Variants in SLC35D1 observed in about 807,000 individuals in gnomAD.
The protein encoded by SLC35D1 is nucleotide sugar transporter SLC35D1.
A neutral mutation model predicts 46.7 loss-of-function variants in SLC35D1; 31 were observed. The ratio of observed to expected loss-of-function variants is 0.66; its 90% CI spans 0.50 to 0.90. SLC35D1 has a LOEUF of 0.90. Among genes scored for constraint, SLC35D1 ranks in the 40% least tolerant of loss-of-function variants. The probability of loss-of-function intolerance (pLI) is 0.00; values close to 1 mark genes in which losing one functional copy is unlikely to be tolerated. For missense variants in SLC35D1, 397 were observed against 426.2 expected, an observed-to-expected ratio of 0.93 and a Z score of 0.60; for synonymous variants, 195 against 164.6, an observed-to-expected ratio of 1.18 and a Z score of -1.41.
At chr1:66,979,547 C>T in the SLC35D1 span, among the ~76,000 whole-genome samples, 3 of 152,078 alleles carry the variant, frequency 2.0e-5, no homozygotes, top group Non-Finnish European at 4.4e-5. Flanking sequence ...ATAATTTTTC[C>T]AAAAACTAAA....
the SLC35D1 span, chr1:66,984,833 C>T: frequency 1.9e-6 from 3 of 1,610,006 alleles, no homozygotes; most frequent in Admixed American, 3.4e-5. Context: ...AGTCCAGGTT[C>T]TTCTGAATTT....
the SLC35D1 span, among the ~76,000 whole-genome samples, chr1:66,977,377 T>G: frequency 6.6e-6 from 1 of 152,162 alleles, no homozygotes; most frequent in African/African-American, 2.4e-5. Context: ...CCTAAAGTGC[T>G]GGGATTACAG....
chr1:66,984,616 G>A, the SLC35D1 span: 4 of 1,609,862 alleles, frequency 2.5e-6, no homozygotes, highest in African/African-American at 5.4e-5. Flanking sequence ...CAAAGAGGAA[G>A]TAAAAGTTGA....
intron 10 of SLC35D1, 21 bp downstream of exon 10, chr1:67,020,348 T>C: frequency 6.7e-7 from 1 of 1,485,862 alleles, no homozygotes; most frequent in Non-Finnish European, 9.4e-7. Flanking sequence ...TACCAAAAGC[T>C]AACAGTATTT....
chr1:67,038,798 G>C (rs1216466867), intron 8 of SLC35D1, among the ~76,000 whole-genome samples: 1 of 151,578 alleles, frequency 6.6e-6, no homozygotes, highest in Non-Finnish European at 1.5e-5. Context: ...GGTAAACCCA[G>C]AACTTTGAGA....
At chr1:66,984,216 CTTAG>C in the SLC35D1 span, among the ~76,000 whole-genome samples, 272 of 152,312 alleles carry the variant, frequency 1.8e-3, 1 homozygote, top group African/African-American at 6.3e-3. Flanking sequence ...ATTAATTCAG[CTTAG>C]TTAGACTGCT....
At chr1:66,977,265 A>G in the SLC35D1 span, among the ~76,000 whole-genome samples, 3 of 152,062 alleles carry the variant, frequency 2.0e-5, no homozygotes, top group Admixed American at 1.3e-4. Context: ...GCCTGCCATG[A>G]CGCCTGGCTA....
At position 67,052,940 on chromosome 1, in the gene SLC35D1, G is replaced by A. The variant is rs779329929; in HGVS notation, c.237+16C>T. The A allele has an allele frequency of 6.2e-7, 1 of 1,614,118 alleles. No homozygotes were observed. The highest frequency in any genetic ancestry group is 8.5e-7 in the Non-Finnish European group (1 of 1,180,018). ...CTAACAACATAAACCACGTAATGGT[G>A]AGGATTCCAACTAACCTGGCCAAGT... On this transcript the variant is annotated intron_variant, in intron 2 of 11. Coordinates refer to ENST00000235345, the MANE Select transcript of SLC35D1 (RefSeq NM_015139.3).
Position 67,042,276 on chromosome 1 carries a change from G to C in SLC35D1, c.689C>G (p.Pro230Arg), listed in dbSNP as rs1645197192. ...LYYNALFMIL[P>R]TLAIAYFTGD... The stretch of plus-strand genomic sequence containing the variant: ...TGTGAAATACGCAATGGCCAGGGTG[G>C]GCAGAATCATGAACAGTGCATTGTA... Residue 230 changes from proline to arginine, a missense_variant, in exon 8 of 12, where the codon CCC (proline) becomes CGC (arginine). Physicochemically the swap from Pro to Arg is moderately radical, Grantham distance 103. Coordinates refer to ENST00000235345, the MANE Select transcript of SLC35D1 (RefSeq NM_015139.3). 6.2e-7 allele frequency: 1 copy of C among 1,613,984 alleles called. No individual in the cohort carries two copies. Among genetic ancestry groups the C allele is most frequent in the Admixed American group, 1.7e-5 (1 of 59,994 alleles).
chr1:67,009,124 T>C lies in SLC35D1; in HGVS notation c.920A>G (p.Tyr307Cys), dbSNP rs1243625900. The C allele has an allele frequency of 1.3e-6, 2 of 1,514,070 alleles. No homozygotes were observed. The highest frequency in any genetic ancestry group is 2.3e-5 in the South Asian group (2 of 87,820). The allele number at this position is 1,514,070 out of a possible 1,614,324, so 93.8% of individuals were successfully genotyped here. ...AATGAAGTTTGTCCACGTGAAAATA[T>C]AATCTCCACCAAAGACCATTCCAAT... Reference protein sequence around the residue: ...TYIGMVFGGDYIFTWTNFIGL... With the variant: ...TYIGMVFGGDCIFTWTNFIGL... The change falls in exon 11 of 12, where the codon TAT becomes TGT. Residue 307 changes from tyrosine to cysteine, a missense_variant. Physicochemically the swap from Tyr to Cys is radical, Grantham distance 194. Coordinates refer to ENST00000235345, the MANE Select transcript of SLC35D1 (RefSeq NM_015139.3).
chr1:66,998,609 G>T (rs1207100268), downstream of SLC35D1, among the ~76,000 whole-genome samples: 10 of 152,114 alleles, frequency 6.6e-5, no homozygotes, highest in African/African-American at 2.4e-4. Flanking sequence ...TCAACCAAAG[G>T]CTGGATAAAC....
intron 8 of SLC35D1, among the ~76,000 whole-genome samples, chr1:67,026,479 C>G (rs1222228048): frequency 6.6e-6 from 1 of 152,058 alleles, no homozygotes; most frequent in Non-Finnish European, 1.5e-5. Flanking sequence ...ATAAAATCAA[C>G]AAGGAAGTGT....
chr1:67,024,565 G>A (rs1667878579), intron 8 of SLC35D1, among the ~76,000 whole-genome samples: 1 of 152,134 alleles, frequency 6.6e-6, no homozygotes, highest in Non-Finnish European at 1.5e-5. Context: ...AGTGTCTACA[G>A]GATTGGCTCC....
At chr1:66,992,790 T>C in the SLC35D1 span, among the ~76,000 whole-genome samples, 1 of 152,228 alleles carries the variant, frequency 6.6e-6, no homozygotes, top group Non-Finnish European at 1.5e-5. Flanking sequence ...GCTACAACAG[T>C]TGGGGAAGAT....
chr1:66,999,075 T>G (rs1199404220), downstream of SLC35D1, among the ~76,000 whole-genome samples: 2 of 152,184 alleles, frequency 1.3e-5, no homozygotes, highest in African/African-American at 4.8e-5. Flanking sequence ...TGAGTCTGCT[T>G]GTACCAAAAT....
At chr1:67,013,256 T>C (rs1667613479) in intron 10 of SLC35D1, among the ~76,000 whole-genome samples, 2 of 148,350 alleles carry the variant, frequency 1.3e-5, no homozygotes, top group African/African-American at 5.0e-5. Flanking sequence ...CTTCCTTTCT[T>C]AGAAATTGGG....
the SLC35D1 span, among the ~76,000 whole-genome samples, chr1:66,990,716 A>G: frequency 1.2e-3 from 189 of 152,294 alleles, 1 homozygote; most frequent in Non-Finnish European, 2.2e-3. Flanking sequence ...TTAGTTAGGA[A>G]AAGTAATGAA....
chr1:67,023,727 C>A (rs1667859996), intron 8 of SLC35D1, among the ~76,000 whole-genome samples: 1 of 151,878 alleles, frequency 6.6e-6, no homozygotes, highest in Non-Finnish European at 1.5e-5. Context: ...TTCAAGTGAT[C>A]CGCCCGCCCT....
At chr1:67,037,096 C>T (rs1238216974) in intron 8 of SLC35D1, among the ~76,000 whole-genome samples, 1 of 152,024 alleles carries the variant, frequency 6.6e-6, no homozygotes, top group Non-Finnish European at 1.5e-5. Context: ...AATTTCATCC[C>T]CTCACTTTTT....
Sources: gnomAD v4.1 joint callset for allele counts (sites outside exome capture counted in the v4.1 genomes callset) on GRCh38, gnomAD v4.1.1 for gene constraint, MANE v1.5 for transcripts, NCBI Gene and HGNC (gene_info 2026-07-23, HGNC 2026-07-21) for gene names.